The following LRRTM4 variants were observed in gnomAD, a reference collection of about 807,000 sequenced individuals.
LRRTM4 encodes leucine-rich repeat transmembrane neuronal protein 4.
A neutral mutation model predicts 47.6 loss-of-function variants in LRRTM4; 25 were observed. The observed-to-expected ratio is 0.53, with a 90% CI of 0.38 to 0.73. The LOEUF (loss-of-function observed/expected upper bound fraction) is 0.73. Among genes scored for constraint, LRRTM4 ranks in the 30% least tolerant of loss-of-function variants. The pLI is 0.00. For missense variants in LRRTM4, 638 were observed against 713.4 expected (o/e 0.89, Z 1.20); for synonymous variants, 311 against 269.5 (o/e 1.15, Z -1.51).
At position 76,983,589 on chromosome 2, in the gene LRRTM4, T is replaced by C. The variant is rs149474678; in HGVS notation, c.1552-234673A>G. ...TGTGAAACTGTGAGTCCATTAAACC[T>C]CTTCCCTGTTTAAATTACAGAGTCT... On this transcript the variant is annotated intron_variant, in intron 3 of 3. Transcript: ENST00000409884. Among the ~76,000 whole-genome samples the C allele has an allele frequency of 8.3e-4, 127 of 152,200 alleles. 1 individual carries two copies. Among genetic ancestry groups the C allele is most frequent in the African/African-American group, 3.0e-3 (124 of 41,556 alleles).
At chr2:77,097,215 A>C (rs990926587) in intron 3 of LRRTM4, among the ~76,000 whole-genome samples, 2 of 151,924 alleles carry the variant, frequency 1.3e-5, no homozygotes, top group African/African-American at 4.8e-5. Context: ...CTTATTTATG[A>C]TACTGGCATA....
At chr2:77,227,370 T>G (rs1038576214) in intron 3 of LRRTM4, among the ~76,000 whole-genome samples, 4 of 152,036 alleles carry the variant, frequency 2.6e-5, no homozygotes, top group Admixed American at 2.0e-4. Flanking sequence ...AAAAACACAA[T>G]TTAATAAATG....
chr2:77,212,177 G>A (rs1018636511), intron 3 of LRRTM4, among the ~76,000 whole-genome samples: 18 of 151,634 alleles, frequency 1.2e-4, no homozygotes, highest in Non-Finnish European at 2.5e-4. Flanking sequence ...TCTAGGTTTC[G>A]AATATTTAGA....
chr2:77,175,074 C>CTTTT (rs34057321), intron 3 of LRRTM4, among the ~76,000 whole-genome samples: 1 of 138,398 alleles, frequency 7.2e-6, no homozygotes, highest in African/African-American at 2.7e-5. Flanking sequence ...TTTCTTTTTT[C>CTTTT]TTTTTTTTTT....
intron 3 of LRRTM4, among the ~76,000 whole-genome samples, chr2:77,271,893 A>T (rs1676209835): frequency 6.6e-6 from 1 of 152,154 alleles, no homozygotes; most frequent in Non-Finnish European, 1.5e-5. Context: ...CTCACTCCAC[A>T]GGCACAGGTA....
intron 3 of LRRTM4, among the ~76,000 whole-genome samples, chr2:77,372,059 C>A (rs947091677): frequency 6.6e-6 from 1 of 151,692 alleles, no homozygotes; most frequent in Admixed American, 6.6e-5. Context: ...TGGTACTGTG[C>A]ACACAGTAGA....
At chr2:76,965,371 T>C (rs1169705659) in intron 3 of LRRTM4, among the ~76,000 whole-genome samples, 1 of 151,368 alleles carries the variant, frequency 6.6e-6, no homozygotes, top group Non-Finnish European at 1.5e-5. Flanking sequence ...GTAGGATTTA[T>C]TTCAGCTAGG....
intron 3 of LRRTM4, among the ~76,000 whole-genome samples, chr2:76,917,741 A>G (rs1674302902): frequency 6.6e-6 from 1 of 152,172 alleles, no homozygotes; most frequent in Non-Finnish European, 1.5e-5. Flanking sequence ...AAGGACAGTC[A>G]TGCCCCTAAC....
intron 3 of LRRTM4, among the ~76,000 whole-genome samples, chr2:77,213,420 T>C (rs1350681620): frequency 1.2e-4 from 18 of 152,078 alleles, no homozygotes; most frequent in African/African-American, 3.6e-4. Flanking sequence ...TCTTATAAAA[T>C]GGGCATGGTA....
chr2:77,137,497 T>G lies in LRRTM4; in HGVS notation c.1551+380821A>C, dbSNP rs777651503. On this transcript the variant is annotated intron_variant, in intron 3 of 3. Coordinates refer to ENST00000409884, the MANE Select transcript of LRRTM4 (RefSeq NM_001134745.3). The stretch of plus-strand genomic sequence containing the variant: ...AAGCGCTAAACATGGAAAGGAACAA[T>G]CAGTACCAGCCACTGCAAAAACATG... Among the ~76,000 whole-genome samples the G allele has an allele frequency of 3.4e-4, 51 of 151,138 alleles. 1 individual carries two copies. Among genetic ancestry groups the G allele is most frequent in the African/African-American group, 1.1e-3 (46 of 40,712 alleles).
chr2:76,974,189 T>C (rs1414501013), intron 3 of LRRTM4, among the ~76,000 whole-genome samples: 10 of 118,054 alleles, frequency 8.5e-5, no homozygotes, highest in African/African-American at 3.9e-4. Flanking sequence ...TATACATACA[T>C]ATATATACAT....
chr2:76,787,694 C>T lies in LRRTM4; in HGVS notation c.1552-38778G>A, dbSNP rs535897262. On this transcript the variant is annotated intron_variant, in intron 3 of 3. Coordinates refer to ENST00000409884, the MANE Select transcript of LRRTM4 (RefSeq NM_001134745.3). ...TTGCATTGACTACAGCACACTTATT[C>T]GGGTTGATTCTTATCCCATGGGACT... Among the ~76,000 whole-genome samples, 93 of 151,934 alleles carry T rather than the reference C, an allele frequency of 6.1e-4. No homozygotes were observed. The South Asian group carries it at 0.018, about 30-fold the overall frequency.
At chr2:77,483,092 G>C (rs1446620915) in intron 3 of LRRTM4, among the ~76,000 whole-genome samples, 2 of 110,074 alleles carry the variant, frequency 1.8e-5, no homozygotes, top group Non-Finnish European at 3.3e-5. Context: ...TTGCACTCCA[G>C]CCTAGGAGGC....
In LRRTM4 at chr2:77,036,324, T is replaced by C. The variant is rs1678835878; in HGVS notation, c.1552-287408A>G. 2.6e-5 allele frequency among the ~76,000 whole-genome samples: 4 copies of C among 151,814 alleles called. 1 individual carries two copies. The South Asian group carries it at 8.3e-4, about 31-fold the overall frequency. On this transcript the variant is annotated intron_variant, in intron 3 of 3. Transcript: ENST00000409884. ...ATTTCTACATAGATATTTTACAATT[T>C]CATGGACTAGAGTATTATTATCCTA...
intron 3 of LRRTM4, among the ~76,000 whole-genome samples, chr2:77,257,745 C>T (rs1317870156): frequency 1.4e-5 from 2 of 145,984 alleles, no homozygotes; most frequent in Non-Finnish European, 3.0e-5. Flanking sequence ...CACACACACA[C>T]ACAAATCCAA....
intron 3 of LRRTM4, among the ~76,000 whole-genome samples, chr2:77,252,781 G>C (rs1675656730): frequency 6.6e-6 from 1 of 152,026 alleles, no homozygotes; most frequent in Non-Finnish European, 1.5e-5. Flanking sequence ...TCCTGGATTT[G>C]GGGGAGGAAA....
At chr2:77,290,071 T>C (rs192582111) in intron 3 of LRRTM4, among the ~76,000 whole-genome samples, 3 of 151,914 alleles carry the variant, frequency 2.0e-5, no homozygotes, top group Non-Finnish European at 4.4e-5. Context: ...TAAAACAGGA[T>C]AAAAATCAAT....
At chr2:76,775,916 C>T (rs547919757) in intron 3 of LRRTM4, among the ~76,000 whole-genome samples, 150 of 150,354 alleles carry the variant, frequency 1.0e-3, no homozygotes, top group African/African-American at 3.5e-3. Flanking sequence ...CCTCCCCCCA[C>T]CCCACAACAG....
At chr2:76,936,216 A>T (rs577815297) in intron 3 of LRRTM4, among the ~76,000 whole-genome samples, 1 of 152,296 alleles carries the variant, frequency 6.6e-6, no homozygotes, top group African/African-American at 2.4e-5. Context: ...AGACTGGATA[A>T]AGAAAATATG....
Sources: gnomAD v4.1 joint callset for allele counts (sites outside exome capture counted in the v4.1 genomes callset) on GRCh38, gnomAD v4.1.1 for gene constraint, MANE v1.5 for transcripts, NCBI Gene and HGNC (gene_info 2026-07-23, HGNC 2026-07-21) for gene names.